PTPRF: variants seen among roughly 807,000 people sequenced by gnomAD.
PTPRF encodes receptor-type tyrosine-protein phosphatase F.
Under a neutral mutation model 201.8 loss-of-function variants are expected in PTPRF, and 59 were observed. That is an observed-to-expected ratio of 0.29 (90% CI 0.24 to 0.36). The LOEUF (loss-of-function observed/expected upper bound fraction) is 0.36, where lower values mean the gene tolerates loss of function less well. PTPRF is among the 10% of genes least tolerant of loss of function. The pLI is 1.00. For synonymous variants in PTPRF, 1,088 were observed against 1,089.7 expected (o/e 1.00, Z 0.03); for missense variants, 2,132 against 2,690.5 (o/e 0.79, Z 4.59).
Position 43,531,007 on chromosome 1 carries a change from G to A in PTPRF, c.-209G>A. 6.4e-6 allele frequency: 1 copy of A among 156,488 alleles called. No homozygotes were observed. Among genetic ancestry groups the A allele is most frequent in the South Asian group, 1.7e-4 (1 of 5,782 alleles). The allele number at this position is 156,488 out of a possible 1,614,324, so 9.7% of individuals were successfully genotyped here. On this transcript the variant is annotated 5_prime_UTR_variant, in exon 1 of 34. Transcript: ENST00000359947. ...GGCGGTGGCGGGAGCGGGACCAGGT[G>A]GAGGCGGCGGCGGCAGAGGAGTGGG...
upstream of PTPRF, among the ~76,000 whole-genome samples, chr1:43,527,050 G>T (rs544413777): frequency 1.3e-5 from 2 of 152,280 alleles, no homozygotes; most frequent in African/African-American, 4.8e-5. Flanking sequence ...AATTTAATTT[G>T]GTTTAGACCA....
intron 1 of PTPRF, among the ~76,000 whole-genome samples, chr1:43,533,126 T>C (rs562183607): frequency 3.9e-4 from 59 of 152,300 alleles, no homozygotes; most frequent in African/African-American, 1.4e-3. Context: ...CCAGCTGCTC[T>C]TCCTCTTCCC....
At chr1:43,605,116 C>T (rs947696622) in intron 17 of PTPRF, 74 bp from the exon 18 acceptor site, 51 of 1,575,158 alleles carry the variant, frequency 3.2e-5, no homozygotes, top group Middle Eastern at 1.8e-4. Context: ...GTTGTGTATC[C>T]GTGCACTGTG....
intron 1 of PTPRF, among the ~76,000 whole-genome samples, chr1:43,532,064 T>G (rs1223002228): frequency 6.6e-6 from 1 of 152,114 alleles, no homozygotes; most frequent in Non-Finnish European, 1.5e-5. Context: ...TGTCCCTGAG[T>G]CTGTTCTCTC....
intron 21 of PTPRF, among the ~76,000 whole-genome samples, chr1:43,607,710 A>T (rs776687478): frequency 7.9e-5 from 12 of 152,194 alleles, no homozygotes; most frequent in Non-Finnish European, 1.5e-4. Context: ...ACATTGCGAC[A>T]CTGAACTCAT....
At chr1:43,566,218 C>T (rs943711411) in intron 5 of PTPRF, among the ~76,000 whole-genome samples, 2 of 152,228 alleles carry the variant, frequency 1.3e-5, no homozygotes, top group African/African-American at 4.8e-5. Context: ...ACCACCCGGT[C>T]TCCTCCCAGC....
intron 26 of PTPRF, 146 bp from the exon 27 acceptor site, chr1:43,618,902 A>C (rs1222112549): frequency 7.0e-7 from 1 of 1,434,936 alleles, no homozygotes; most frequent in African/African-American, 1.4e-5. Flanking sequence ...TGTTATGGGA[A>C]CAGTGCTAGG....
At chr1:43,612,965 AC>A (rs1656830914) in intron 22 of PTPRF, among the ~76,000 whole-genome samples, 1 of 142,378 alleles carries the variant, frequency 7.0e-6, no homozygotes, top group Admixed American at 7.0e-5. Context: ...TTCCTTCCCT[AC>A]CCTCCCCTCT....
intron 5 of PTPRF, among the ~76,000 whole-genome samples, chr1:43,558,283 A>G (rs1645532710): frequency 6.6e-6 from 1 of 151,960 alleles, no homozygotes; most frequent in Non-Finnish European, 1.5e-5. Flanking sequence ...TGCCCCCAAA[A>G]AGGAGTCCAG....
Position 43,622,052 on chromosome 1 carries a change from G to C in PTPRF, c.*49G>C. On this transcript the variant is annotated 3_prime_UTR_variant, in exon 34 of 34. Coordinates refer to ENST00000359947, the MANE Select transcript of PTPRF (RefSeq NM_002840.5). ...ACCCCCGCCGTGGGGCTCCGGAGGG[G>C]ACCCAGCTCCTCTGAGCCATACCGA... 3 of 1,583,562 alleles carry C rather than the reference G, an allele frequency of 1.9e-6. No individual in the cohort carries two copies. The highest frequency in any genetic ancestry group is 2.6e-6 in the Non-Finnish European group (3 of 1,153,146).
intron 14 of PTPRF, 144 bp downstream of exon 14, chr1:43,602,241 C>A (rs536561364): frequency 3.1e-6 from 3 of 982,824 alleles, no homozygotes; most frequent in African/African-American, 1.6e-5. Flanking sequence ...GGCGTTTAGA[C>A]ACAAGCACTG....
chr1:43,553,855 T>C lies in PTPRF; in HGVS notation c.293T>C (p.Val98Ala), dbSNP rs756266392. The change falls in exon 5 of 34, where the codon GTG becomes GCG. Residue 98 changes from valine (V) to alanine (A), a missense_variant. Physicochemically the swap from Val to Ala is moderately conservative, Grantham distance 64 (BLOSUM62 0). Coordinates refer to ENST00000359947, the MANE Select transcript of PTPRF (RefSeq NM_002840.5). The surrounding 1 kb of genome is among the most constrained non-coding windows in gnomAD (Gnocchi z 4.1). The part of the protein sequence containing the change: ...GSVLRIQPLR[V>A]QRDEAIYECT... ...GTGCTTCGGATCCAGCCATTGCGGG[T>C]GCAGCGAGATGAAGCCATCTATGAG... The C allele has an allele frequency of 5.0e-6, 8 of 1,613,958 alleles. No individual in the cohort carries two copies. The South Asian group carries it at 6.6e-5, about 13-fold the overall frequency.
At chr1:43,559,524 AGTGT>A (rs893735327) in intron 5 of PTPRF, among the ~76,000 whole-genome samples, 19 of 149,762 alleles carry the variant, frequency 1.3e-4, no homozygotes, top group Middle Eastern at 3.7e-3. Context: ...TATATCGGGT[AGTGT>A]GTGTGTGTTT....
At chr1:43,539,666 G>C (rs915727345) in intron 2 of PTPRF, among the ~76,000 whole-genome samples, 1 of 152,190 alleles carries the variant, frequency 6.6e-6, no homozygotes, top group African/African-American at 2.4e-5. Context: ...AAGGTCAGAT[G>C]GGGAGGGTGG....
At chr1:43,619,254 C>T (rs773827618) in intron 27 of PTPRF, 34 bp from the exon 28 acceptor site, 12 of 1,609,010 alleles carry the variant, frequency 7.5e-6, no homozygotes, top group Admixed American at 1.7e-5. Flanking sequence ...GAGGTGGGGG[C>T]GCCTGTGCCT....
At chr1:43,584,937 C>T (rs1053611035) in intron 7 of PTPRF, among the ~76,000 whole-genome samples, 4 of 152,192 alleles carry the variant, frequency 2.6e-5, no homozygotes, top group Admixed American at 6.5e-5. Context: ...GGCGCCGCAC[C>T]GCCCTATTAT....
At position 43,622,389 on chromosome 1, in the gene PTPRF, T is replaced by C. The variant is rs1414705472; in HGVS notation, c.*386T>C. The C allele has an allele frequency of 2.4e-5, 5 of 210,114 alleles. No individual in the cohort carries two copies. Among genetic ancestry groups the C allele is most frequent in the Admixed American group, 5.7e-5 (1 of 17,688 alleles). The allele number at this position is 210,114 out of a possible 1,614,324, so 13.0% of individuals were successfully genotyped here. ...AGCCTCTTCCCTCTGATTTTTCCTT[T>C]CGCGAATCCGTATCTGCAGAATGGG... On this transcript the variant is annotated 3_prime_UTR_variant, in exon 34 of 34. Transcript: ENST00000359947.
chr1:43,590,152 C>T (rs1650289563), intron 8 of PTPRF, among the ~76,000 whole-genome samples: 1 of 152,088 alleles, frequency 6.6e-6, no homozygotes, highest in Non-Finnish European at 1.5e-5. Flanking sequence ...CTTGCCTGGC[C>T]CCTTCTGTCA....
intron 5 of PTPRF, among the ~76,000 whole-genome samples, chr1:43,562,934 T>G (rs1218672793): frequency 6.6e-6 from 1 of 151,216 alleles, no homozygotes; most frequent in African/African-American, 2.4e-5. Context: ...TCCCAGCGCT[T>G]TGGGAGGCCA....
Sources: gnomAD v4.1 joint callset for allele counts (sites outside exome capture counted in the v4.1 genomes callset) on GRCh38, gnomAD v4.1.1 for gene constraint, Gnocchi (gnomAD v3.1) non-coding constraint, MANE v1.5 for transcripts, NCBI Gene and HGNC (gene_info 2026-07-23, HGNC 2026-07-21) for gene names.